ELF1: variants seen among roughly 807,000 people sequenced by gnomAD.
ELF1 encodes ETS-related transcription factor Elf-1.
Under a neutral mutation model 59.9 loss-of-function variants are expected in ELF1, and 24 were observed. That is an observed-to-expected ratio of 0.40 (90% CI 0.29 to 0.56). The LOEUF is 0.56. Ranked by LOEUF, ELF1 falls within the 20% of genes least tolerant of loss-of-function variation. ELF1 has a pLI of 0.44. For missense variants in ELF1, 627 were observed against 742.2 expected (o/e 0.84, Z 1.80); for synonymous variants, 248 against 266.2 (o/e 0.93, Z 0.67).
chr13:40,949,754 AGATTTCACACCAAG>A, intron 5 of ELF1, 38 bp downstream of exon 5: 1 of 1,585,314 alleles, frequency 6.3e-7, no homozygotes, highest in Admixed American at 1.8e-5. Context: ...AGTGATATCT[AGATTTCACACCAAG>A]ACTTGACTAT....
At chr13:40,949,420 T>G (rs1467943842) in intron 5 of ELF1, among the ~76,000 whole-genome samples, 1 of 152,110 alleles carries the variant, frequency 6.6e-6, no homozygotes, top group Non-Finnish European at 1.5e-5. Flanking sequence ...TGCAGTGGCA[T>G]GACCTTAGCT....
At chr13:40,961,225 G>A (rs1050812263) in intron 2 of ELF1, among the ~76,000 whole-genome samples, 7 of 152,096 alleles carry the variant, frequency 4.6e-5, no homozygotes, top group African/African-American at 1.7e-4. Flanking sequence ...CCTTGCCTTC[G>A]AGAATGCTAT....
chr13:41,054,476 A>G (rs1877215868), intron 1 of ELF1, among the ~76,000 whole-genome samples: 6 of 152,204 alleles, frequency 3.9e-5, no homozygotes, highest in Admixed American at 3.9e-4. Flanking sequence ...CGAAAGCCAC[A>G]GACACACGCA....
At chr13:40,984,672 T>C (rs747097292) in intron 1 of ELF1, among the ~76,000 whole-genome samples, 31 of 152,198 alleles carry the variant, frequency 2.0e-4, no homozygotes, top group Non-Finnish European at 3.5e-4. Flanking sequence ...TATCACAAGC[T>C]TGAAAAACGA....
At chr13:41,016,327 C>T (rs975338317) in intron 1 of ELF1, among the ~76,000 whole-genome samples, 3 of 152,148 alleles carry the variant, frequency 2.0e-5, no homozygotes, top group Non-Finnish European at 4.4e-5. Flanking sequence ...CATTAAAAAT[C>T]TGAATTTCAG....
intron 1 of ELF1, among the ~76,000 whole-genome samples, chr13:41,003,066 CAT>C (rs1874555757): frequency 6.6e-6 from 1 of 152,130 alleles, no homozygotes; most frequent in Non-Finnish European, 1.5e-5. Context: ...TTAGTGTTTT[CAT>C]ATGTTTGTTT....
intron 2 of ELF1, among the ~76,000 whole-genome samples, chr13:40,960,987 G>C (rs748888706): frequency 1.3e-5 from 2 of 152,134 alleles, no homozygotes; most frequent in Admixed American, 6.5e-5. Context: ...CTTCTTAAAT[G>C]TAAGAAAAAG....
chr13:41,010,493 A>ATG (rs145032015), intron 1 of ELF1, among the ~76,000 whole-genome samples: 5,533 of 125,662 alleles, frequency 0.044, 298 homozygotes, highest in East Asian at 0.13. Context: ...TATGAGGTGT[A>ATG]TGTGTGTGTG....
chr13:40,962,556 G>A (rs1003845069), intron 2 of ELF1, among the ~76,000 whole-genome samples: 2 of 151,684 alleles, frequency 1.3e-5, no homozygotes, highest in Non-Finnish European at 2.9e-5. Context: ...CATGGTGACG[G>A]GCACCTGCAA....
chr13:41,013,787 G>A (rs953193262), intron 1 of ELF1, among the ~76,000 whole-genome samples: 1 of 151,568 alleles, frequency 6.6e-6, no homozygotes, highest in Admixed American at 6.6e-5. Context: ...ATAATGAATT[G>A]CCCCATTACA....
At chr13:40,970,999 G>C (rs1484948597) in intron 2 of ELF1, among the ~76,000 whole-genome samples, 1 of 152,036 alleles carries the variant, frequency 6.6e-6, no homozygotes, top group Non-Finnish European at 1.5e-5. Flanking sequence ...ACAACACTAG[G>C]CTATATATTA....
chr13:41,030,419 G>A (rs1374478767), intron 1 of ELF1, among the ~76,000 whole-genome samples: 3 of 152,130 alleles, frequency 2.0e-5, no homozygotes, highest in Non-Finnish European at 4.4e-5. Flanking sequence ...TAAAGTTTAA[G>A]AGAGAATAAG....
At chr13:40,953,506 C>T (rs1190761012) in intron 3 of ELF1, among the ~76,000 whole-genome samples, 1 of 152,128 alleles carries the variant, frequency 6.6e-6, no homozygotes, top group Admixed American at 6.6e-5. Context: ...AGACAAGTCA[C>T]CTATAAGTCC....
chr13:41,039,043 C>T (rs1451517273), intron 1 of ELF1, among the ~76,000 whole-genome samples: 1 of 136,284 alleles, frequency 7.3e-6, no homozygotes. Context: ...CTATGTATGA[C>T]AAAAGGGCAG....
chr13:41,054,450 G>A (rs900651139), intron 1 of ELF1, among the ~76,000 whole-genome samples: 1 of 152,148 alleles, frequency 6.6e-6, no homozygotes, highest in Non-Finnish European at 1.5e-5. Flanking sequence ...TGGAGTCAAT[G>A]CACAATTTCA....
intron 1 of ELF1, among the ~76,000 whole-genome samples, chr13:41,052,490 T>C (rs890698392): frequency 6.6e-6 from 1 of 152,216 alleles, no homozygotes; most frequent in African/African-American, 2.4e-5. Context: ...CAAATATATC[T>C]TTAAGTTTAT....
intron 1 of ELF1, among the ~76,000 whole-genome samples, chr13:40,983,690 A>G (rs979639516): frequency 8.2e-4 from 83 of 101,432 alleles, no homozygotes; most frequent in African/African-American, 2.8e-3. Flanking sequence ...TAGAAGAGGG[A>G]AAAAAAAAGT....
At chr13:41,002,534 C>T (rs1009679261) in intron 1 of ELF1, among the ~76,000 whole-genome samples, 1 of 60,970 alleles carries the variant, frequency 1.6e-5, no homozygotes, top group Admixed American at 1.9e-4. Flanking sequence ...CCAGCTACTT[C>T]GGAGGCTGAG....
intron 3 of ELF1, among the ~76,000 whole-genome samples, chr13:40,954,763 A>G (rs1389625146): frequency 6.6e-6 from 1 of 150,898 alleles, no homozygotes; most frequent in African/African-American, 2.4e-5. Context: ...AATGGTGCCC[A>G]GGCTGGAGTG....
Sources: gnomAD v4.1 joint callset for allele counts (sites outside exome capture counted in the v4.1 genomes callset) on GRCh38, gnomAD v4.1.1 for gene constraint, MANE v1.5 for transcripts, NCBI Gene and HGNC (gene_info 2026-07-23, HGNC 2026-07-21) for gene names.